The following CFAP36 variants were observed in gnomAD, a reference collection of about 807,000 sequenced individuals.
The protein encoded by CFAP36 is cilia- and flagella-associated protein 36.
A neutral mutation model predicts 50.5 loss-of-function variants in CFAP36; 37 were observed. That is an observed-to-expected ratio of 0.73 (90% CI 0.56 to 0.96). The LOEUF is 0.96. Among genes scored for constraint, CFAP36 ranks in the 50% least tolerant of loss-of-function variants. CFAP36 has a pLI of 0.00. For missense variants in CFAP36, 407 were observed against 396.2 expected (o/e 1.03, Z -0.23); for synonymous variants, 138 against 128.2 (o/e 1.08, Z -0.52).
intron 2 of CFAP36, 70 bp downstream of exon 2, chr2:55,522,236 G>A: frequency 5.2e-6 from 4 of 775,452 alleles, no homozygotes; most frequent in East Asian, 2.9e-5. Flanking sequence ...TCTAAATGAA[G>A]AAAAATATTT....
At position 55,522,465 on chromosome 2, in the gene CFAP36, G is replaced by A. The variant is rs17047079; in HGVS notation, c.180+299G>A. ...CAGGGACATATTAATTATTCACTTC[G>A]TCATGGTTGTCATGTGATTTTTTTA... is the stretch of plus-strand genomic sequence containing the variant. On this transcript the variant is annotated intron_variant, in intron 2 of 9. Coordinates refer to ENST00000349456, the MANE Select transcript of CFAP36 (RefSeq NM_080667.7). 6.8e-3 allele frequency among the ~76,000 whole-genome samples: 1,031 copies of A among 151,976 alleles called. 17 individuals are homozygous for A. The highest frequency in any genetic ancestry group is 0.024 in the African/African-American group (980 of 41,444).
intron 9 of CFAP36, 124 bp from the exon 10 acceptor site, chr2:55,544,783 T>G: frequency 1.6e-6 from 1 of 637,740 alleles, no homozygotes. Flanking sequence ...CTAGTCTATG[T>G]CTGTCTCTCC....
intron 3 of CFAP36, 60 bp downstream of exon 3, chr2:55,523,882 C>A: frequency 9.7e-7 from 1 of 1,035,674 alleles, no homozygotes. Flanking sequence ...GGGTTAAACA[C>A]TCACTTAAAT....
At chr2:55,538,930 T>G (rs1684563555) in intron 7 of CFAP36, 1 of 1,429,692 alleles carries the variant, frequency 7.0e-7, no homozygotes, top group Admixed American at 3.0e-5. Flanking sequence ...TTTTTTAATG[T>G]AAGTTGGAGA....
chr2:55,538,353 G>T (rs1280860513), intron 7 of CFAP36, among the ~76,000 whole-genome samples: 3 of 146,622 alleles, frequency 2.0e-5, no homozygotes. Flanking sequence ...AGAGTGCAAT[G>T]GTGTGATCTC....
intron 4 of CFAP36, among the ~76,000 whole-genome samples, chr2:55,530,630 A>G (rs911408311): frequency 6.6e-6 from 1 of 152,204 alleles, no homozygotes; most frequent in African/African-American, 2.4e-5. Context: ...CCTGAACTAC[A>G]TTTAACATCC....
chr2:55,541,184 C>T (rs1351577082), intron 7 of CFAP36, among the ~76,000 whole-genome samples: 1 of 151,996 alleles, frequency 6.6e-6, no homozygotes, highest in Non-Finnish European at 1.5e-5. Context: ...ATTAGCTGGG[C>T]ATCGTGGCAA....
intron 1 of CFAP36, 98 bp from the exon 2 acceptor site, chr2:55,522,004 C>G (rs923622190): frequency 6.4e-6 from 4 of 624,586 alleles, no homozygotes; most frequent in South Asian, 5.8e-5. Context: ...AGCTGAAGAG[C>G]TAGGTTGACA....
In CFAP36 at chr2:55,544,257, G is replaced by A. The variant is rs753125828; in HGVS notation, c.815G>A (p.Arg272Gln). ...SVLGTEELRQ[R>Q]EHYLKQKRDK... is the part of the protein sequence containing the mutation. ...CTTGGAACAGAAGAACTTCGGCAAC[G>A]AGAACACTATCTCAAGCAGAAGAGA... Residue 272 changes from arginine (R) to glutamine (Q), a missense_variant, in exon 9 of 10, where the codon CGA becomes CAA. Physicochemically the swap from Arg to Gln is conservative, Grantham distance 43. Coordinates refer to ENST00000349456, the MANE Select transcript of CFAP36 (RefSeq NM_080667.7). 60 of 1,613,666 alleles carry A rather than the reference G, an allele frequency of 3.7e-5. No homozygotes were observed. The highest frequency in any genetic ancestry group is 1.5e-4 in the Admixed American group (9 of 59,920).
intron 7 of CFAP36, chr2:55,539,304 C>T (rs1684573562): frequency 6.6e-6 from 1 of 152,470 alleles, no homozygotes; most frequent in Non-Finnish European, 1.5e-5. Context: ...ATGGCAACCA[C>T]TGATCTTTTA....
chr2:55,544,887 A>G lies in CFAP36; in HGVS notation c.928-20A>G. On this transcript the variant is annotated intron_variant, in intron 9 of 9. Coordinates refer to ENST00000349456, the MANE Select transcript of CFAP36 (RefSeq NM_080667.7). ...ATTACCCTATTTCATACTGTAGCCAATTTTTTCTTTTTTTTTCAGGAAATG... is the reference window on the plus strand; with the variant it reads ...ATTACCCTATTTCATACTGTAGCCAGTTTTTTCTTTTTTTTTCAGGAAATG... 1.3e-6 allele frequency: 2 copies of G among 1,540,800 alleles called. No individual in the cohort carries two copies. Among genetic ancestry groups the G allele is most frequent in the Non-Finnish European group, 1.8e-6 (2 of 1,135,012 alleles).
intron 1 of CFAP36, 46 bp from the exon 2 acceptor site, chr2:55,522,056 A>C (rs1684082181): frequency 1.0e-6 from 1 of 981,650 alleles, no homozygotes; most frequent in African/African-American, 1.7e-5. Context: ...TGCATTAATA[A>C]AATGATTTGG....
Position 55,537,499 on chromosome 2 carries a change from CAGA to C in CFAP36, c.558_560del (p.Glu187del). 1 of 1,608,456 alleles carries C rather than the reference CAGA, an allele frequency of 6.2e-7. No individual in the cohort carries two copies. The highest frequency in any genetic ancestry group is 8.5e-7 in the Non-Finnish European group (1 of 1,178,078). On this transcript the variant is annotated inframe_deletion, in exon 7 of 10. Coordinates refer to ENST00000349456, the MANE Select transcript of CFAP36 (RefSeq NM_080667.7). ...ATCCTGAAGTTATCAGAGGCTAAAA[CAGA>C]AGAGCCCACAGTGCATTCCAGTGAA...
Position 55,545,061 on chromosome 2 carries a change from T to C in CFAP36, c.*53T>C, listed in dbSNP as rs1231583386. 2 of 1,094,072 alleles carry C rather than the reference T, an allele frequency of 1.8e-6. No homozygotes were observed. The highest frequency in any genetic ancestry group is 3.2e-5 in the African/African-American group (2 of 62,462). 67.8% of individuals were successfully genotyped at this position (1,094,072 alleles called of 1,614,324 possible). A position where few individuals can be genotyped will look rare whatever the true frequency, so the allele number is the denominator to read the frequency against. On this transcript the variant is annotated 3_prime_UTR_variant, in exon 10 of 10. Transcript: ENST00000349456. ...AGTTCAAATTGTCTTAAAAATAAAT[T>C]ATTTAGTCCTTACACTGAGCCTTTT...
intron 4 of CFAP36, among the ~76,000 whole-genome samples, chr2:55,532,966 G>A (rs969734375): frequency 6.6e-6 from 1 of 152,212 alleles, no homozygotes; most frequent in Non-Finnish European, 1.5e-5. Context: ...TACTTCCCTG[G>A]TTTATAATTA....
chr2:55,535,932 C>A, intron 6 of CFAP36, 169 bp downstream of exon 6: 1 of 1,315,576 alleles, frequency 7.6e-7, no homozygotes, highest in Non-Finnish European at 1.0e-6. Flanking sequence ...GTATGTCGTG[C>A]ATTACTGCTG....
At chr2:55,523,499 T>C (rs1255502765) in intron 2 of CFAP36, among the ~76,000 whole-genome samples, 1 of 152,206 alleles carries the variant, frequency 6.6e-6, no homozygotes, top group East Asian at 1.9e-4. Flanking sequence ...TAATCCTGAC[T>C]TCAACTATTT....
chr2:55,537,503 A>G lies in CFAP36; in HGVS notation c.558A>G (p.Glu186=). Residue 186 remains glutamate (E), a synonymous_variant, in exon 7 of 10, where the codon GAA becomes GAG. Transcript: ENST00000349456. The stretch of plus-strand genomic sequence containing the variant: ...TGAAGTTATCAGAGGCTAAAACAGA[A>G]GAGCCCACAGTGCATTCCAGTGAAG... ...RKKQLSEAKT[E]EPTVHSSEAA... is the part of the protein sequence containing the mutation. 6.2e-7 allele frequency: 1 copy of G among 1,610,124 alleles called. No homozygotes were observed. The highest frequency in any genetic ancestry group is 1.7e-4 in the Middle Eastern group (1 of 6,050).
intron 3 of CFAP36, among the ~76,000 whole-genome samples, chr2:55,525,711 A>G (rs540934640): frequency 1.3e-5 from 2 of 151,896 alleles, no homozygotes; most frequent in African/African-American, 4.8e-5. Context: ...GCTCACTGCA[A>G]CCTCCGTCTC....
Sources: gnomAD v4.1 joint callset for allele counts (sites outside exome capture counted in the v4.1 genomes callset) on GRCh38, gnomAD v4.1.1 for gene constraint, MANE v1.5 for transcripts, NCBI Gene and HGNC (gene_info 2026-07-23, HGNC 2026-07-21) for gene names.